Variants in ARHGAP42 observed in about 807,000 individuals in gnomAD.
The protein encoded by ARHGAP42 is Rho GTPase activating protein 42.
A neutral mutation model predicts 125.0 loss-of-function variants in ARHGAP42; 63 were observed. The ratio of observed to expected loss-of-function variants is 0.50; its 90% confidence interval spans 0.41 to 0.62. The LOEUF (loss-of-function observed/expected upper bound fraction) is 0.62. ARHGAP42 is among the 20% of genes least tolerant of loss of function. The probability of loss-of-function intolerance (pLI) is 0.00; values close to 1 mark genes in which losing one functional copy is unlikely to be tolerated. For synonymous variants in ARHGAP42, 339 were observed against 351.0 expected (o/e 0.97, Z 0.38); for missense variants, 766 against 1,024.2 (o/e 0.75, Z 3.44).
chr11:100,908,928 C>T (rs1866829399), intron 4 of ARHGAP42, among the ~76,000 whole-genome samples: 1 of 152,212 alleles, frequency 6.6e-6, no homozygotes, highest in African/African-American at 2.4e-5. Context: ...GCCATTCTGA[C>T]TGATGTGAGA....
intron 1 of ARHGAP42, among the ~76,000 whole-genome samples, chr11:100,760,711 A>T (rs894350236): frequency 2.0e-5 from 3 of 152,108 alleles, no homozygotes; most frequent in Non-Finnish European, 4.4e-5. Context: ...AAAAAGAAAA[A>T]AAAAAGGAAA....
chr11:100,927,999 G>A (rs1046065385), intron 6 of ARHGAP42, among the ~76,000 whole-genome samples: 2 of 152,082 alleles, frequency 1.3e-5, no homozygotes, highest in African/African-American at 4.8e-5. Flanking sequence ...TCGTTTTCAT[G>A]CCATGAACTC....
chr11:100,913,181 C>A (rs951810500), intron 4 of ARHGAP42, among the ~76,000 whole-genome samples: 47 of 152,154 alleles, frequency 3.1e-4, no homozygotes, highest in Admixed American at 8.5e-4. Context: ...TACTACAGTT[C>A]CATTTACTCC....
intron 3 of ARHGAP42, among the ~76,000 whole-genome samples, chr11:100,855,359 T>C (rs1206769987): frequency 1.3e-5 from 2 of 152,112 alleles, no homozygotes; most frequent in Non-Finnish European, 2.9e-5. Flanking sequence ...TCACTGGATT[T>C]TAATCAAAAC....
At chr11:100,809,458 C>T (rs1237477704) in intron 3 of ARHGAP42, among the ~76,000 whole-genome samples, 18 of 152,132 alleles carry the variant, frequency 1.2e-4, no homozygotes, top group Admixed American at 1.2e-3. Context: ...TGGCAATGAC[C>T]TTGAGAAATT....
At chr11:100,952,922 A>G (rs904604759) in intron 12 of ARHGAP42, among the ~76,000 whole-genome samples, 1 of 151,978 alleles carries the variant, frequency 6.6e-6, no homozygotes, top group Non-Finnish European at 1.5e-5. Context: ...TTTAGTAGAG[A>G]TGGGGCCTCA....
chr11:100,987,448 AG>A (rs1423675548), intron 22 of ARHGAP42, 64 bp from the exon 23 acceptor site: 1 of 1,270,802 alleles, frequency 7.9e-7, no homozygotes, highest in East Asian at 2.5e-5. Context: ...CTTGAAGAAG[AG>A]TTTTAAATAT....
At chr11:100,832,654 C>G (rs903477193) in intron 3 of ARHGAP42, among the ~76,000 whole-genome samples, 2 of 152,110 alleles carry the variant, frequency 1.3e-5, no homozygotes, top group African/African-American at 4.8e-5. Context: ...AACATTGAAG[C>G]TAAACTCTTC....
At chr11:100,888,441 A>T (rs1037953139) in intron 4 of ARHGAP42, among the ~76,000 whole-genome samples, 1 of 152,120 alleles carries the variant, frequency 6.6e-6, no homozygotes, top group African/African-American at 2.4e-5. Context: ...AGTGGGGGAT[A>T]TGGGGATGTG....
intron 1 of ARHGAP42, among the ~76,000 whole-genome samples, chr11:100,728,776 AT>A (rs1248302241): frequency 9.5e-5 from 8 of 84,042 alleles, no homozygotes; most frequent in East Asian, 3.8e-4. Context: ...TTCTTTTTTA[AT>A]TTTTTTTTTG....
At chr11:100,795,277 G>A (rs185286564) in intron 3 of ARHGAP42, 111 bp downstream of exon 3, 55 of 655,092 alleles carry the variant, frequency 8.4e-5, no homozygotes, top group Non-Finnish European at 9.8e-5. Context: ...GATTTGACAC[G>A]TCTACTAATT....
intron 1 of ARHGAP42, among the ~76,000 whole-genome samples, chr11:100,696,746 A>G (rs1418568656): frequency 6.6e-6 from 1 of 152,096 alleles, no homozygotes; most frequent in Non-Finnish European, 1.5e-5. Context: ...GCAAGATCAT[A>G]GTGCACTACC....
chr11:100,742,969 A>G (rs1862220666), intron 1 of ARHGAP42, among the ~76,000 whole-genome samples: 1 of 152,136 alleles, frequency 6.6e-6, no homozygotes, highest in Non-Finnish European at 1.5e-5. Context: ...CTTACATGTT[A>G]GGTGAGTCTC....
At chr11:100,760,238 G>A (rs1436740656) in intron 1 of ARHGAP42, among the ~76,000 whole-genome samples, 1 of 152,198 alleles carries the variant, frequency 6.6e-6, no homozygotes, top group Non-Finnish European at 1.5e-5. Context: ...TTTCTGACGT[G>A]CACAATGACT....
At chr11:100,806,316 T>A (rs1425811713) in intron 3 of ARHGAP42, among the ~76,000 whole-genome samples, 6 of 152,250 alleles carry the variant, frequency 3.9e-5, no homozygotes, top group African/African-American at 1.4e-4. Context: ...TTTATTATTT[T>A]TGCCGTACAT....
At chr11:100,875,689 C>T (rs1338420706) in intron 4 of ARHGAP42, among the ~76,000 whole-genome samples, 1 of 152,132 alleles carries the variant, frequency 6.6e-6, no homozygotes, top group Admixed American at 6.6e-5. Flanking sequence ...CCCCATCCCA[C>T]AGTGGGCTCT....
intron 1 of ARHGAP42, among the ~76,000 whole-genome samples, chr11:100,732,846 G>A (rs1004635153): frequency 2.6e-5 from 4 of 152,104 alleles, no homozygotes; most frequent in African/African-American, 7.2e-5. Context: ...TTCTTTCTAT[G>A]CTACTCAGCC....
At chr11:100,724,836 CT>C (rs59676061) in intron 1 of ARHGAP42, among the ~76,000 whole-genome samples, 80,973 of 150,118 alleles carry the variant, frequency 0.54, 22,223 homozygotes, top group African/African-American at 0.67. Context: ...CTTTTTATTT[CT>C]TTTTTTTTAT....
chr11:100,807,593 C>A (rs1442042243), intron 3 of ARHGAP42, among the ~76,000 whole-genome samples: 3 of 152,192 alleles, frequency 2.0e-5, no homozygotes, highest in Non-Finnish European at 4.4e-5. Context: ...TAAGTGACCA[C>A]ACTTTACATA....
Sources: allele counts gnomAD v4.1 joint callset (sites outside exome capture counted in the v4.1 genomes callset), GRCh38; gene constraint gnomAD v4.1.1; transcripts MANE v1.5; gene names NCBI Gene and HGNC (gene_info 2026-07-23, HGNC 2026-07-21).